The following CEP170 variants were observed in gnomAD, a reference collection of about 807,000 sequenced individuals.
CEP170 encodes the protein centrosomal protein of 170 kDa.
In CEP170, 21 loss-of-function variants were observed where a neutral mutation model predicts 151.9. The ratio of observed to expected loss-of-function variants is 0.14; its 90% CI spans 0.10 to 0.20. The LOEUF (loss-of-function observed/expected upper bound fraction) is 0.20. CEP170 is among the 10% of genes least tolerant of loss of function. The pLI is 1.00. For missense variants in CEP170, 964 were observed against 1,892.9 expected, an observed-to-expected ratio of 0.51 and a Z score of 9.11; for synonymous variants, 356 against 648.8, an observed-to-expected ratio of 0.55 and a Z score of 6.86.
chr1:243,219,329 G>C (rs564789545), intron 3 of CEP170, among the ~76,000 whole-genome samples: 720 of 152,286 alleles, frequency 4.7e-3, no homozygotes, highest in Non-Finnish European at 7.1e-3. Flanking sequence ...TTGGAAGGTA[G>C]TATATATGAG....
intron 2 of CEP170, among the ~76,000 whole-genome samples, chr1:243,223,236 G>A (rs2062965306): frequency 6.6e-6 from 1 of 152,112 alleles, no homozygotes; most frequent in Non-Finnish European, 1.5e-5. Context: ...ATCTCTCTCT[G>A]AGGAAAAGAG....
intron 1 of CEP170, among the ~76,000 whole-genome samples, chr1:243,227,017 T>A (rs1309137289): frequency 6.6e-6 from 1 of 152,114 alleles, no homozygotes; most frequent in Admixed American, 6.5e-5. Flanking sequence ...AAATCCATCT[T>A]ATATTTTGAT....
chr1:243,248,245 G>A (rs1178226682), intron 1 of CEP170, among the ~76,000 whole-genome samples: 1 of 152,194 alleles, frequency 6.6e-6, no homozygotes, highest in African/African-American at 2.4e-5. Flanking sequence ...TGATACAGGG[G>A]ACTGATCACT....
chr1:243,155,923 A>C (rs1370314261), intron 14 of CEP170, among the ~76,000 whole-genome samples: 1 of 152,124 alleles, frequency 6.6e-6, no homozygotes, highest in Non-Finnish European at 1.5e-5. Context: ...GATACTGCCT[A>C]CCTTTCAAAG....
In CEP170 at chr1:243,125,549, T is replaced by C. The variant is rs1363726678; in HGVS notation, c.*900A>G. The C allele has an allele frequency of 6.5e-6, 1 of 152,960 alleles. No homozygotes were observed. The allele number at this position is 152,960 out of a possible 1,614,324, so 9.5% of individuals were successfully genotyped here. On this transcript the variant is annotated 3_prime_UTR_variant, in exon 20 of 20. Transcript: ENST00000366542. ...TATAAACTTGGTAACACAGGACCAA[T>C]ATACATGTTCTGAGTTTTAAAAATA...
chr1:243,255,678 G>T (rs1468363513), upstream of CEP170, among the ~76,000 whole-genome samples: 1 of 152,222 alleles, frequency 6.6e-6, no homozygotes, highest in Non-Finnish European at 1.5e-5. Flanking sequence ...TACTATCTGC[G>T]TCCTTGAGTA....
chr1:243,155,402 C>A (rs2057458018), intron 14 of CEP170, among the ~76,000 whole-genome samples: 1 of 151,972 alleles, frequency 6.6e-6, no homozygotes, highest in Non-Finnish European at 1.5e-5. Context: ...TGTATAAACT[C>A]TTTAATAATG....
intron 7 of CEP170, among the ~76,000 whole-genome samples, chr1:243,197,236 AG>A (rs2060717741): frequency 6.6e-6 from 1 of 152,098 alleles, no homozygotes; most frequent in African/African-American, 2.4e-5. Context: ...GGTGAAGGGA[AG>A]GGAACACTCA....
In CEP170 at chr1:243,191,568, T is replaced by A. The variant is rs1214285966; in HGVS notation, c.632-74A>T. ...ACTTGAGGGAGTCTGGTAATGGCCA[T>A]GTGTACTACTCCGTGAGAACCAGAA... is the stretch of plus-strand genomic sequence containing the variant. On this transcript the variant is annotated intron_variant, in intron 7 of 19. Coordinates refer to ENST00000366542, the MANE Select transcript of CEP170 (RefSeq NM_014812.3). 7.1e-6 allele frequency: 9 copies of A among 1,259,356 alleles called. No homozygotes were observed. In the Admixed American group the frequency reaches 1.2e-4, roughly 17 times the overall value. 78.0% of individuals were successfully genotyped at this position (1,259,356 alleles called of 1,614,324 possible).
At chr1:243,239,331 A>G (rs553295715) in intron 1 of CEP170, among the ~76,000 whole-genome samples, 7 of 152,214 alleles carry the variant, frequency 4.6e-5, no homozygotes. Context: ...CACATCCTAA[A>G]TATCTTTCTT....
intron 10 of CEP170, chr1:243,174,888 G>A (rs934034970): frequency 3.3e-5 from 5 of 152,104 alleles, no homozygotes; most frequent in African/African-American, 4.8e-5. Flanking sequence ...ATTTGTGTCC[G>A]TCTTTAAAAA....
intron 3 of CEP170, among the ~76,000 whole-genome samples, chr1:243,215,791 C>A (rs575454197): frequency 2.0e-5 from 3 of 152,022 alleles, no homozygotes; most frequent in African/African-American, 7.3e-5. Flanking sequence ...TCATACACTC[C>A]CTCCCCTTCT....
intron 3 of CEP170, 78 bp downstream of exon 3, chr1:243,221,646 A>C: frequency 2.2e-6 from 3 of 1,365,842 alleles, no homozygotes; most frequent in South Asian, 1.4e-5. Context: ...AAATGTAGCT[A>C]GGAAATGTAA....
At chr1:243,209,050 G>C (rs2061600978) in intron 4 of CEP170, among the ~76,000 whole-genome samples, 1 of 152,132 alleles carries the variant, frequency 6.6e-6, no homozygotes, top group Non-Finnish European at 1.5e-5. Flanking sequence ...CATTTTAAAA[G>C]CTTGTATATT....
At chr1:243,243,449 A>G (rs2065053526) in intron 1 of CEP170, among the ~76,000 whole-genome samples, 2 of 152,144 alleles carry the variant, frequency 1.3e-5, no homozygotes, top group South Asian at 4.1e-4. Context: ...GCTTCCCTAA[A>G]TAGCTCTTTA....
intron 7 of CEP170, among the ~76,000 whole-genome samples, chr1:243,192,316 G>A (rs1405551559): frequency 8.5e-5 from 13 of 152,254 alleles, no homozygotes; most frequent in Middle Eastern, 3.4e-3. Flanking sequence ...GAAGGAGCAA[G>A]CAACTCTGGA....
intron 1 of CEP170, among the ~76,000 whole-genome samples, chr1:243,253,784 C>T (rs971492802): frequency 1.3e-5 from 2 of 152,192 alleles, no homozygotes; most frequent in African/African-American, 2.4e-5. Flanking sequence ...CGCCAGCAAA[C>T]GGCTGCATAC....
chr1:243,133,591 ATGTG>A (rs1365180264), intron 17 of CEP170, among the ~76,000 whole-genome samples: 1 of 152,124 alleles, frequency 6.6e-6, no homozygotes, highest in East Asian at 1.9e-4. Context: ...TTGTTTATTC[ATGTG>A]TAAAAACTAG....
At chr1:243,224,113 T>G (rs1002066803) in intron 2 of CEP170, among the ~76,000 whole-genome samples, 1 of 152,178 alleles carries the variant, frequency 6.6e-6, no homozygotes, top group African/African-American at 2.4e-5. Flanking sequence ...AGAAGGTGCA[T>G]GACAACTTGA....
Sources: allele counts gnomAD v4.1 joint callset (sites outside exome capture counted in the v4.1 genomes callset), GRCh38; gene constraint gnomAD v4.1.1; transcripts MANE v1.5; gene names NCBI Gene and HGNC (gene_info 2026-07-23, HGNC 2026-07-21).